The following NKAIN2 variants were observed in gnomAD, a reference collection of about 807,000 sequenced individuals.
NKAIN2 encodes the protein sodium/potassium-transporting ATPase subunit beta-1-interacting protein 2.
Under a neutral mutation model 32.6 loss-of-function variants are expected in NKAIN2, and 14 were observed. The ratio of observed to expected loss-of-function variants is 0.43; its 90% CI spans 0.28 to 0.67. The LOEUF is 0.67. Among genes scored for constraint, NKAIN2 ranks in the 30% least tolerant of loss-of-function variants. NKAIN2 has a pLI of 0.17. For synonymous variants in NKAIN2, 80 were observed against 87.2 expected (o/e 0.92, Z 0.46); for missense variants, 198 against 258.3 (o/e 0.77, Z 1.60).
intron 1 of NKAIN2, among the ~76,000 whole-genome samples, chr6:124,059,466 C>G (rs1159973310): frequency 6.6e-6 from 1 of 152,112 alleles, no homozygotes; most frequent in Non-Finnish European, 1.5e-5. Flanking sequence ...ACACCTGTCA[C>G]CATCCTCCCT....
chr6:124,206,483 G>A (rs1016361101), intron 1 of NKAIN2, among the ~76,000 whole-genome samples: 1 of 151,778 alleles, frequency 6.6e-6, no homozygotes, highest in Non-Finnish European at 1.5e-5. Context: ...AATCAGTCCT[G>A]CCTACCTACA....
chr6:124,419,602 CT>C, intron 3 of NKAIN2, among the ~76,000 whole-genome samples: 1 of 152,182 alleles, frequency 6.6e-6, no homozygotes. Context: ...TCCAAATTAA[CT>C]CTTACTGCTA....
At chr6:124,445,304 T>G (rs2114606817) in intron 3 of NKAIN2, among the ~76,000 whole-genome samples, 1 of 152,240 alleles carries the variant, frequency 6.6e-6, no homozygotes, top group Non-Finnish European at 1.5e-5. Context: ...GGTTTTATGT[T>G]GTCCCTATAT....
chr6:124,598,937 A>T (rs1268897581), intron 3 of NKAIN2, among the ~76,000 whole-genome samples: 1 of 152,094 alleles, frequency 6.6e-6, no homozygotes, highest in East Asian at 1.9e-4. Context: ...TTCAGAAAGA[A>T]ACTGAGTCAA....
chr6:124,606,929 T>C (rs1239314467), intron 3 of NKAIN2, among the ~76,000 whole-genome samples: 2 of 152,138 alleles, frequency 1.3e-5, no homozygotes, highest in Non-Finnish European at 2.9e-5. Context: ...TTCACATAAA[T>C]AGGAGATTAA....
At chr6:123,940,881 G>C (rs191576333) in intron 1 of NKAIN2, among the ~76,000 whole-genome samples, 694 of 151,714 alleles carry the variant, frequency 4.6e-3, no homozygotes, top group African/African-American at 0.016. Context: ...ATTAACCTTA[G>C]CTTGCTGTAA....
Position 124,346,250 on chromosome 6 carries a change from G to C in NKAIN2, c.193-9017G>C, listed in dbSNP as rs1390497847. Among the ~76,000 whole-genome samples the C allele has an allele frequency of 3.3e-5, 5 of 152,106 alleles. No homozygotes were observed. In the East Asian group the frequency reaches 7.7e-4, roughly 24 times the overall value. Reference sequence around the variant, plus strand: ...ACATTTGCTGAGGAGAGCTTTACTTGCAACTATGTGGTCAATTTTGGAATA... The same window carrying C: ...ACATTTGCTGAGGAGAGCTTTACTTCCAACTATGTGGTCAATTTTGGAATA... On this transcript the variant is annotated intron_variant, in intron 2 of 6. Coordinates refer to ENST00000368417, the MANE Select transcript of NKAIN2 (RefSeq NM_001040214.3).
At chr6:124,230,817 G>A (rs867846161) in intron 1 of NKAIN2, among the ~76,000 whole-genome samples, 92 of 152,012 alleles carry the variant, frequency 6.1e-4, no homozygotes, top group African/African-American at 2.2e-3. Context: ...GCAGGGGCAG[G>A]GCTCTCATGG....
chr6:124,105,164 A>G (rs1364191376), intron 1 of NKAIN2, among the ~76,000 whole-genome samples: 1 of 152,238 alleles, frequency 6.6e-6, no homozygotes, highest in Non-Finnish European at 1.5e-5. Flanking sequence ...ATATTTGAAC[A>G]GGAAAAATCT....
At chr6:124,819,035 C>A in intron 6 of NKAIN2, 1 of 310,914 alleles carries the variant, frequency 3.2e-6, no homozygotes, top group Non-Finnish European at 4.7e-6. Flanking sequence ...AACTCTAGCA[C>A]TCAGGAGAGC....
At chr6:124,142,581 G>A (rs2114341402) in intron 1 of NKAIN2, among the ~76,000 whole-genome samples, 1 of 152,222 alleles carries the variant, frequency 6.6e-6, no homozygotes, top group Admixed American at 6.5e-5. Flanking sequence ...CAGTTGGATA[G>A]CAAAATATTA....
At chr6:124,463,335 A>T (rs1282189711) in intron 3 of NKAIN2, among the ~76,000 whole-genome samples, 1 of 152,114 alleles carries the variant, frequency 6.6e-6, no homozygotes, top group Admixed American at 6.6e-5. Context: ...GCATATACAT[A>T]TGCACGTTTT....
intron 1 of NKAIN2, among the ~76,000 whole-genome samples, chr6:124,182,687 A>G (rs1452396744): frequency 6.6e-6 from 1 of 152,210 alleles, no homozygotes; most frequent in East Asian, 1.9e-4. Context: ...ATATCCATAT[A>G]TTAATGTTTG....
intron 4 of NKAIN2, among the ~76,000 whole-genome samples, chr6:124,660,009 G>A (rs1441671196): frequency 1.3e-5 from 2 of 152,040 alleles, no homozygotes; most frequent in Admixed American, 1.3e-4. Context: ...TTATCCTGAA[G>A]TAAAAATAAG....
At chr6:124,806,858 A>T (rs1780591967) in intron 5 of NKAIN2, among the ~76,000 whole-genome samples, 1 of 152,062 alleles carries the variant, frequency 6.6e-6, no homozygotes, top group East Asian at 1.9e-4. Context: ...GATAAAACAG[A>T]CTTTAAGCCA....
At chr6:124,639,564 G>A (rs1262086071) in intron 3 of NKAIN2, among the ~76,000 whole-genome samples, 2 of 152,044 alleles carry the variant, frequency 1.3e-5, no homozygotes, top group Non-Finnish European at 2.9e-5. Flanking sequence ...AACCCAGGAG[G>A]CAGAGGTTGC....
chr6:123,900,523 T>A (rs1774515276), intron 1 of NKAIN2, among the ~76,000 whole-genome samples: 1 of 122,506 alleles, frequency 8.2e-6, no homozygotes, highest in African/African-American at 2.8e-5. Flanking sequence ...GTTTTCTGTC[T>A]CCAGATTAGT....
intron 3 of NKAIN2, among the ~76,000 whole-genome samples, chr6:124,356,560 G>A (rs930071835): frequency 1.3e-5 from 2 of 152,130 alleles, no homozygotes; most frequent in Non-Finnish European, 2.9e-5. Context: ...CTCCCTAGAG[G>A]ATGCCATTTG....
At chr6:124,517,969 G>A (rs1778977581) in intron 3 of NKAIN2, among the ~76,000 whole-genome samples, 1 of 151,936 alleles carries the variant, frequency 6.6e-6, no homozygotes, top group Non-Finnish European at 1.5e-5. Flanking sequence ...GCATTGTCAA[G>A]TATTTTAATG....
Sources: gnomAD v4.1 joint callset for allele counts (sites outside exome capture counted in the v4.1 genomes callset) on GRCh38, gnomAD v4.1.1 for gene constraint, MANE v1.5 for transcripts, NCBI Gene and HGNC (gene_info 2026-07-23, HGNC 2026-07-21) for gene names.